The following CHSY3 variants were observed in gnomAD, a reference collection of about 807,000 sequenced individuals.
CHSY3 encodes the protein chondroitin sulfate synthase 3.
CHSY3 carries 35 observed loss-of-function variants against 67.2 expected under a neutral mutation model. The observed-to-expected ratio is 0.52, with a 90% confidence interval of 0.40 to 0.69. The LOEUF (loss-of-function observed/expected upper bound fraction) is 0.69, where lower values mean the gene tolerates loss of function less well. Ranked by LOEUF, CHSY3 falls within the 30% of genes least tolerant of loss-of-function variation. The pLI is 0.00. For synonymous variants in CHSY3, 474 were observed against 434.7 expected, an observed-to-expected ratio of 1.09 and a Z score of -1.12; for missense variants, 1,069 against 1,138.5, an observed-to-expected ratio of 0.94 and a Z score of 0.88.
At chr5:129,914,967 T>C (rs1760688759) in intron 2 of CHSY3, among the ~76,000 whole-genome samples, 1 of 152,196 alleles carries the variant, frequency 6.6e-6, no homozygotes, top group Admixed American at 6.5e-5. Context: ...TCACAAACAT[T>C]CTAATTTCCT....
Position 129,904,998 on chromosome 5 carries a change from G to T in CHSY3, c.169G>T (p.Ala57Ser), listed in dbSNP as rs1403959084. Residue 57 changes from alanine to serine, a missense_variant, in exon 1 of 3, where the codon GCC becomes TCC. This residue lies in a region of CHSY3 where 309 missense variants were observed against 262.5 expected (regional missense o/e 1.18). Coordinates refer to ENST00000305031, the MANE Select transcript of CHSY3 (RefSeq NM_175856.5). ...YYGRSAAGPR[A>S]GAQQPLPQPQ... ...CGGTCGCTCTGCTGCTGGCCCCCGC[G>T]CCGGCGCTCAGCAGCCGCTCCCCCA... 1.3e-6 allele frequency: 2 copies of T among 1,566,666 alleles called. No individual in the cohort carries two copies. The highest frequency in any genetic ancestry group is 2.7e-5 in the African/African-American group (2 of 73,832).
intron 2 of CHSY3, among the ~76,000 whole-genome samples, chr5:130,183,970 A>G (rs955052636): frequency 2.0e-5 from 3 of 151,808 alleles, no homozygotes; most frequent in South Asian, 2.1e-4. Flanking sequence ...ATCCCACTAT[A>G]TGTATATTCT....
At chr5:129,985,250 A>C (rs1423189787) in intron 2 of CHSY3, among the ~76,000 whole-genome samples, 1 of 152,248 alleles carries the variant, frequency 6.6e-6, no homozygotes, top group African/African-American at 2.4e-5. Flanking sequence ...ATGGCTAGCC[A>C]GTCATCCCAG....
intron 1 of CHSY3, among the ~76,000 whole-genome samples, chr5:129,906,105 C>A (rs1275930810): frequency 2.0e-5 from 3 of 152,158 alleles, no homozygotes; most frequent in African/African-American, 7.2e-5. Context: ...GGATCTTGCT[C>A]TTTTGTTTAA....
At chr5:130,062,190 AC>A (rs748924831) in intron 2 of CHSY3, among the ~76,000 whole-genome samples, 172 of 152,310 alleles carry the variant, frequency 1.1e-3, no homozygotes, top group Non-Finnish European at 1.8e-3. Flanking sequence ...TGGTATATAT[AC>A]ACCATGGAAT....
intron 2 of CHSY3, among the ~76,000 whole-genome samples, chr5:130,044,796 A>G (rs1765098399): frequency 1.3e-5 from 2 of 152,094 alleles, no homozygotes; most frequent in South Asian, 4.1e-4. Context: ...GAGGCGACAA[A>G]GTCAAGGAAT....
At chr5:130,101,414 G>T (rs978233382) in intron 2 of CHSY3, among the ~76,000 whole-genome samples, 10 of 151,956 alleles carry the variant, frequency 6.6e-5, no homozygotes, top group African/African-American at 2.2e-4. Context: ...TTACCAAAAA[G>T]ATATGATTAT....
intron 2 of CHSY3, among the ~76,000 whole-genome samples, chr5:130,062,389 A>T (rs1765743364): frequency 6.6e-6 from 1 of 152,040 alleles, no homozygotes; most frequent in Non-Finnish European, 1.5e-5. Flanking sequence ...GATACTGGGG[A>T]CTCCAAAAGT....
intron 2 of CHSY3, among the ~76,000 whole-genome samples, chr5:130,180,252 T>TA (rs1418033758): frequency 2.6e-5 from 4 of 152,166 alleles, no homozygotes; most frequent in African/African-American, 9.7e-5. Context: ...TTTTGGTGAC[T>TA]AAAGGTATTT....
At chr5:130,004,713 T>C (rs867497151) in intron 2 of CHSY3, among the ~76,000 whole-genome samples, 46 of 152,278 alleles carry the variant, frequency 3.0e-4, no homozygotes, top group African/African-American at 1.0e-3. Flanking sequence ...AAAACAAATG[T>C]TCACAAGTGA....
intron 2 of CHSY3, among the ~76,000 whole-genome samples, chr5:129,956,739 T>C (rs183401999): frequency 1.5e-4 from 23 of 151,152 alleles, no homozygotes; most frequent in African/African-American, 5.6e-4. Context: ...CGTTGCTTGG[T>C]TTTTTTTTCA....
At chr5:129,939,526 G>A (rs1761630746) in intron 2 of CHSY3, among the ~76,000 whole-genome samples, 1 of 152,056 alleles carries the variant, frequency 6.6e-6, no homozygotes, top group Non-Finnish European at 1.5e-5. Context: ...CAGGTACTAT[G>A]TTTTATGTAT....
chr5:130,003,841 C>T (rs1423314161), intron 2 of CHSY3, among the ~76,000 whole-genome samples: 2 of 152,152 alleles, frequency 1.3e-5, no homozygotes, highest in Non-Finnish European at 2.9e-5. Flanking sequence ...TTGATGTACA[C>T]AAAACCTGTT....
intron 2 of CHSY3, among the ~76,000 whole-genome samples, chr5:129,928,762 A>G (rs564006499): frequency 8.8e-4 from 134 of 152,298 alleles, no homozygotes; most frequent in African/African-American, 3.1e-3. Context: ...CATAAAATTG[A>G]TTTATATTGA....
chr5:130,044,734 G>A (rs931758331), intron 2 of CHSY3, among the ~76,000 whole-genome samples: 3 of 152,046 alleles, frequency 2.0e-5, no homozygotes, highest in Non-Finnish European at 4.4e-5. Context: ...TTAGGACTAG[G>A]GTATCATTAT....
At chr5:129,952,757 G>A (rs1402952812) in intron 2 of CHSY3, among the ~76,000 whole-genome samples, 3 of 152,154 alleles carry the variant, frequency 2.0e-5, no homozygotes, top group African/African-American at 7.2e-5. Context: ...CACTAATAAA[G>A]ATAGGATGAG....
intron 2 of CHSY3, among the ~76,000 whole-genome samples, chr5:130,161,048 G>A (rs982930207): frequency 6.6e-6 from 1 of 151,690 alleles, no homozygotes; most frequent in Non-Finnish European, 1.5e-5. Context: ...GGGACTACAG[G>A]CACCTACCAC....
chr5:130,044,324 G>A (rs1237823348), intron 2 of CHSY3, among the ~76,000 whole-genome samples: 6 of 152,068 alleles, frequency 3.9e-5, no homozygotes, highest in African/African-American at 1.4e-4. Flanking sequence ...TGCATCATCT[G>A]TGGCTAAAAT....
intron 2 of CHSY3, among the ~76,000 whole-genome samples, chr5:130,122,834 C>T (rs1322167187): frequency 6.6e-6 from 1 of 152,076 alleles, no homozygotes; most frequent in Admixed American, 6.5e-5. Context: ...TCATAAAACA[C>T]ATATTAGAAG....
Sources: allele counts gnomAD v4.1 joint callset (sites outside exome capture counted in the v4.1 genomes callset), GRCh38; gene constraint gnomAD v4.1.1; regional missense constraint gnomAD v4.1.1; transcripts MANE v1.5; gene names NCBI Gene and HGNC (gene_info 2026-07-23, HGNC 2026-07-21).